FRMD4A: variants seen among roughly 807,000 people sequenced by gnomAD.
FRMD4A encodes FERM domain containing 4A, also known as FERM domain-containing protein 4A.
Under a neutral mutation model 129.1 loss-of-function variants are expected in FRMD4A, and 29 were observed. That is an observed-to-expected ratio of 0.22 (90% confidence interval 0.17 to 0.31). FRMD4A has a LOEUF of 0.31. Among genes scored for constraint, FRMD4A ranks in the 10% least tolerant of loss-of-function variants. The pLI, the probability that FRMD4A is intolerant of heterozygous loss-of-function variation, is 1.00. For synonymous variants in FRMD4A, 634 were observed against 571.6 expected (o/e 1.11, Z -1.56); for missense variants, 1,272 against 1,375.8 (o/e 0.92, Z 1.19).
rs143049810 is a variant in FRMD4A, at chr10:13,734,336, G to A, written c.759+3508C>T. Among the ~76,000 whole-genome samples the A allele has an allele frequency of 1.5e-3, 221 of 152,148 alleles. No individual in the cohort carries two copies. In the East Asian group the frequency reaches 0.019, roughly 13 times the overall value. On this transcript the variant is annotated intron_variant, in intron 12 of 24. Transcript: ENST00000357447. The stretch of plus-strand genomic sequence containing the variant: ...AGCAGTTTCCGGAGAGTGCTTCTAC[G>A]ACAATGGAAATCTGACACTATACTC...
chr10:14,052,045 C>G (rs1266526152), intron 2 of FRMD4A, among the ~76,000 whole-genome samples: 1 of 152,134 alleles, frequency 6.6e-6, no homozygotes, highest in Non-Finnish European at 1.5e-5. Context: ...AGAGGAGACT[C>G]AGAGACAGAC....
intron 2 of FRMD4A, among the ~76,000 whole-genome samples, chr10:14,116,977 G>A (rs1451984719): frequency 1.3e-5 from 2 of 152,238 alleles, no homozygotes; most frequent in African/African-American, 4.8e-5. Flanking sequence ...CAGACCTCCT[G>A]CAGCAGAGCT....
At chr10:14,249,476 C>T (rs1401381556) in intron 2 of FRMD4A, among the ~76,000 whole-genome samples, 1 of 152,212 alleles carries the variant, frequency 6.6e-6, no homozygotes, top group East Asian at 1.9e-4. Context: ...GGCCCACATG[C>T]TGAAGCCCCA....
intron 2 of FRMD4A, among the ~76,000 whole-genome samples, chr10:14,094,160 T>G (rs1022915621): frequency 6.6e-6 from 1 of 152,250 alleles, no homozygotes; most frequent in Non-Finnish European, 1.5e-5. Context: ...GCTTCTGATC[T>G]GACAGTCTGG....
At chr10:13,785,462 C>T (rs2092830647) in intron 5 of FRMD4A, among the ~76,000 whole-genome samples, 9 of 152,098 alleles carry the variant, frequency 5.9e-5, no homozygotes, top group Admixed American at 5.9e-4. Flanking sequence ...ATAGGGCCCA[C>T]CATGGTCTCA....
chr10:13,736,420 C>T (rs530266419), intron 12 of FRMD4A, among the ~76,000 whole-genome samples: 6 of 152,218 alleles, frequency 3.9e-5, no homozygotes, highest in South Asian at 4.2e-4. Flanking sequence ...TGGAGATAGC[C>T]GCAAAACAAC....
intron 2 of FRMD4A, among the ~76,000 whole-genome samples, chr10:14,077,508 A>G (rs976747000): frequency 3.3e-5 from 5 of 152,208 alleles, no homozygotes; most frequent in Admixed American, 6.5e-5. Flanking sequence ...AAACTGTGCC[A>G]TAACTCTTTA....
chr10:14,197,110 C>G (rs74122397), intron 2 of FRMD4A, among the ~76,000 whole-genome samples: 7 of 152,110 alleles, frequency 4.6e-5, no homozygotes, highest in Non-Finnish European at 8.8e-5. Flanking sequence ...CCAGGGGGCG[C>G]GACAATAAGG....
chr10:14,061,100 C>G (rs926816901), intron 2 of FRMD4A, among the ~76,000 whole-genome samples: 1 of 152,088 alleles, frequency 6.6e-6, no homozygotes, highest in Non-Finnish European at 1.5e-5. Context: ...AACATTTTGG[C>G]TATAAATGTG....
intron 3 of FRMD4A, 52 bp downstream of exon 3, chr10:13,858,795 A>G: frequency 9.7e-7 from 1 of 1,030,932 alleles, no homozygotes; most frequent in Non-Finnish European, 1.5e-6. Context: ...TCAAGGTCTG[A>G]AACCACATCA....
chr10:14,142,319 C>A (rs148249407), intron 2 of FRMD4A, among the ~76,000 whole-genome samples: 2 of 152,088 alleles, frequency 1.3e-5, no homozygotes, highest in African/African-American at 2.4e-5. Flanking sequence ...CTAAGTAAAG[C>A]GCACTGTTCT....
intron 2 of FRMD4A, among the ~76,000 whole-genome samples, chr10:14,325,543 G>C (rs973344543): frequency 6.6e-6 from 1 of 152,142 alleles, no homozygotes; most frequent in Non-Finnish European, 1.5e-5. Flanking sequence ...GACAACCAGC[G>C]CCCCCTAGGG....
At chr10:14,048,435 G>A (rs1022553935) in intron 2 of FRMD4A, among the ~76,000 whole-genome samples, 3 of 152,206 alleles carry the variant, frequency 2.0e-5, no homozygotes, top group African/African-American at 4.8e-5. Context: ...TTTCACAGTA[G>A]TAAAAACAAT....
intron 4 of FRMD4A, among the ~76,000 whole-genome samples, chr10:13,804,276 A>T (rs1177166916): frequency 6.6e-6 from 1 of 152,186 alleles, no homozygotes; most frequent in African/African-American, 2.4e-5. Flanking sequence ...GCTTTCCCAG[A>T]GCTGTGTCTT....
At chr10:14,210,997 G>A (rs1842919478) in intron 2 of FRMD4A, among the ~76,000 whole-genome samples, 1 of 152,106 alleles carries the variant, frequency 6.6e-6, no homozygotes, top group South Asian at 2.1e-4. Flanking sequence ...AAAGTGCTGG[G>A]ATTACAGGTG....
At chr10:14,062,768 A>G (rs1834873350) in intron 2 of FRMD4A, among the ~76,000 whole-genome samples, 1 of 152,184 alleles carries the variant, frequency 6.6e-6, no homozygotes, top group South Asian at 2.1e-4. Flanking sequence ...CTGATTCATC[A>G]AAGACCCAGT....
At chr10:14,195,534 T>C (rs1842448144) in intron 2 of FRMD4A, among the ~76,000 whole-genome samples, 1 of 152,164 alleles carries the variant, frequency 6.6e-6, no homozygotes, top group Admixed American at 6.5e-5. Flanking sequence ...AAGGTTCCCA[T>C]ACTTATTCCA....
At chr10:13,649,772 G>C (rs1468086921) in intron 24 of FRMD4A, 1 of 152,194 alleles carries the variant, frequency 6.6e-6, no homozygotes, top group Non-Finnish European at 1.5e-5. Flanking sequence ...TTTTCCGGTA[G>C]TAGTCAAGGA....
intron 3 of FRMD4A, among the ~76,000 whole-genome samples, chr10:13,820,247 A>G (rs1452864078): frequency 1.3e-5 from 2 of 152,184 alleles, no homozygotes; most frequent in Non-Finnish European, 2.9e-5. Context: ...GGAAACTCAT[A>G]CACCCTCAGA....
Sources: gnomAD v4.1 joint callset for allele counts (sites outside exome capture counted in the v4.1 genomes callset) on GRCh38, gnomAD v4.1.1 for gene constraint, MANE v1.5 for transcripts, NCBI Gene and HGNC (gene_info 2026-07-23, HGNC 2026-07-21) for gene names.